Variants in SUCLG2 observed in about 807,000 individuals in gnomAD.
SUCLG2 encodes succinate--CoA ligase [GDP-forming] subunit beta, mitochondrial.
In SUCLG2, 42 loss-of-function variants were observed where a neutral mutation model predicts 47.9. That is an observed-to-expected ratio of 0.88 (90% CI 0.69 to 1.14). The LOEUF is 1.14. Among genes scored for constraint, SUCLG2 ranks in the 50% most tolerant of loss-of-function variants. SUCLG2 has a pLI of 0.00. For missense variants in SUCLG2, 571 were observed against 525.9 expected (o/e 1.09, Z -0.84); for synonymous variants, 195 against 197.3 (o/e 0.99, Z 0.10).
At chr3:67,515,820 C>G (rs1705929507) in intron 6 of SUCLG2, among the ~76,000 whole-genome samples, 1 of 152,148 alleles carries the variant, frequency 6.6e-6, no homozygotes, top group Non-Finnish European at 1.5e-5. Flanking sequence ...CCCAAGCCTA[C>G]AACTCTAATG....
At chr3:67,460,378 C>T (rs895297253) in intron 9 of SUCLG2, among the ~76,000 whole-genome samples, 1 of 152,170 alleles carries the variant, frequency 6.6e-6, no homozygotes, top group African/African-American at 2.4e-5. Context: ...ATTTATTAAA[C>T]ACCAAATTCT....
intron 2 of SUCLG2, among the ~76,000 whole-genome samples, chr3:67,587,221 C>T (rs75562068): frequency 0.023 from 3,528 of 152,254 alleles, 133 homozygotes; most frequent in African/African-American, 0.081. Context: ...TGGTGACACT[C>T]GGCTCTGTTT....
chr3:67,449,070 T>C (rs1703994284), intron 9 of SUCLG2, among the ~76,000 whole-genome samples: 1 of 152,242 alleles, frequency 6.6e-6, no homozygotes, highest in South Asian at 2.1e-4. Context: ...AGGTATTTTA[T>C]GGTGTTTTCT....
intron 10 of SUCLG2, among the ~76,000 whole-genome samples, chr3:67,388,719 G>C (rs573090050): frequency 2.6e-5 from 4 of 152,208 alleles, no homozygotes; most frequent in Admixed American, 6.5e-5. Context: ...ACAAAAGTCA[G>C]TGCCTAGTGT....
chr3:67,640,791 T>C (rs1019466250), intron 1 of SUCLG2, among the ~76,000 whole-genome samples: 1 of 152,220 alleles, frequency 6.6e-6, no homozygotes, highest in African/African-American at 2.4e-5. Context: ...CAATCAGCTT[T>C]TGATTGCATG....
chr3:67,537,196 C>G (rs182042225), intron 2 of SUCLG2, among the ~76,000 whole-genome samples: 2 of 151,316 alleles, frequency 1.3e-5, no homozygotes, highest in African/African-American at 4.8e-5. Flanking sequence ...TATTTAAATC[C>G]GTTCCCCTCT....
intron 1 of SUCLG2, among the ~76,000 whole-genome samples, chr3:67,653,044 T>A (rs537242748): frequency 1.6e-3 from 237 of 152,290 alleles, no homozygotes; most frequent in African/African-American, 5.4e-3. Context: ...CCCAACCAGA[T>A]TTTCTCCTGT....
Position 67,432,147 on chromosome 3 carries a change from A to G in SUCLG2, c.1063-31296T>C, listed in dbSNP as rs1703500213. On this transcript the variant is annotated intron_variant, in intron 9 of 10. Transcript: ENST00000307227. ...CAATGGGAGGCTAGATGGGAGGCTA[A>G]CTACCTTTTGAAGTACACGCCTGGC... 2.6e-5 allele frequency among the ~76,000 whole-genome samples: 4 copies of G among 152,330 alleles called. No homozygotes were observed. The South Asian group carries it at 8.3e-4, about 32-fold the overall frequency.
At chr3:67,516,167 A>C (rs1332432548) in intron 6 of SUCLG2, among the ~76,000 whole-genome samples, 1 of 152,198 alleles carries the variant, frequency 6.6e-6, no homozygotes, top group African/African-American at 2.4e-5. Flanking sequence ...AAAGCCTTTC[A>C]TGGAGTTAGC....
chr3:67,487,044 T>C (rs1705072164), intron 9 of SUCLG2, among the ~76,000 whole-genome samples: 2 of 151,838 alleles, frequency 1.3e-5, no homozygotes, highest in South Asian at 4.2e-4. Context: ...GAAAACAATG[T>C]AGATTAGATT....
Position 67,636,446 on chromosome 3 carries a change from G to A in SUCLG2, c.84+18057C>T, listed in dbSNP as rs529557373. ...CGGCTCACTGCAAGCTCTGCCTCCCGGGTTCATTCCATTCTCCTGCCTCAG... is the reference window on the plus strand; with the variant it reads ...CGGCTCACTGCAAGCTCTGCCTCCCAGGTTCATTCCATTCTCCTGCCTCAG... On this transcript the variant is annotated intron_variant, in intron 1 of 10. Transcript: ENST00000307227. Among the ~76,000 whole-genome samples, 450 of 150,282 alleles carry A rather than the reference G, an allele frequency of 3.0e-3. 3 individuals are homozygous for A. The highest frequency in any genetic ancestry group is 4.4e-3 in the Non-Finnish European group (299 of 67,778).
At chr3:67,413,243 G>A (rs966785826) in intron 9 of SUCLG2, among the ~76,000 whole-genome samples, 2 of 152,126 alleles carry the variant, frequency 1.3e-5, no homozygotes. Context: ...AGGTGAAAAC[G>A]AGCTTCTCAG....
At chr3:67,409,262 T>TA (rs983131391) in intron 9 of SUCLG2, among the ~76,000 whole-genome samples, 3 of 152,146 alleles carry the variant, frequency 2.0e-5, no homozygotes, top group African/African-American at 7.2e-5. Context: ...CAGATGTTCC[T>TA]AACAAGAACT....
chr3:67,581,744 G>GT (rs1383107319), intron 2 of SUCLG2, among the ~76,000 whole-genome samples: 1 of 152,222 alleles, frequency 6.6e-6, no homozygotes, highest in East Asian at 1.9e-4. Flanking sequence ...ACTTCTTGGA[G>GT]TATTAGGCTA....
At chr3:67,582,999 G>A (rs550676012) in intron 2 of SUCLG2, among the ~76,000 whole-genome samples, 26 of 152,012 alleles carry the variant, frequency 1.7e-4, no homozygotes, top group Non-Finnish European at 3.2e-4. Context: ...AACTGTCTCA[G>A]GGTAGTGAAT....
chr3:67,643,426 C>T (rs538441648), intron 1 of SUCLG2, among the ~76,000 whole-genome samples: 2 of 152,268 alleles, frequency 1.3e-5, no homozygotes, highest in Admixed American at 1.3e-4. Flanking sequence ...CTGAAGTATG[C>T]TGAACTTAAA....
chr3:67,491,044 G>A (rs545326012), intron 9 of SUCLG2, among the ~76,000 whole-genome samples: 15 of 152,138 alleles, frequency 9.9e-5, no homozygotes, highest in Non-Finnish European at 1.5e-4. Context: ...TTTGAGGGCC[G>A]AACACAGTGG....
chr3:67,449,793 T>C (rs965223080), intron 9 of SUCLG2, among the ~76,000 whole-genome samples: 2 of 151,996 alleles, frequency 1.3e-5, no homozygotes, highest in African/African-American at 4.8e-5. Flanking sequence ...TGTGTATTTT[T>C]AGTAGAGATG....
chr3:67,379,889 A>C (rs1374828777), intron 10 of SUCLG2, among the ~76,000 whole-genome samples: 1 of 152,198 alleles, frequency 6.6e-6, no homozygotes, highest in Non-Finnish European at 1.5e-5. Flanking sequence ...CCATGGATGA[A>C]GTCTTATTGG....
Sources: gnomAD v4.1 joint callset for allele counts (sites outside exome capture counted in the v4.1 genomes callset) on GRCh38, gnomAD v4.1.1 for gene constraint, MANE v1.5 for transcripts, NCBI Gene and HGNC (gene_info 2026-07-23, HGNC 2026-07-21) for gene names.